SEL1L2: variants seen among roughly 807,000 people sequenced by gnomAD.
SEL1L2 encodes SEL1L2 adaptor subunit of SYVN1 ubiquitin ligase.
In SEL1L2, 89 loss-of-function variants were observed where a neutral mutation model predicts 98.8. The observed-to-expected ratio is 0.90, with a 90% CI of 0.76 to 1.07. The LOEUF (loss-of-function observed/expected upper bound fraction) is 1.07. SEL1L2 is among the 50% of genes least tolerant of loss of function. The probability of loss-of-function intolerance (pLI) is 0.00; values close to 1 mark genes in which losing one functional copy is unlikely to be tolerated. For missense variants in SEL1L2, 788 were observed against 812.0 expected, an observed-to-expected ratio of 0.97 and a Z score of 0.36; for synonymous variants, 262 against 278.5, an observed-to-expected ratio of 0.94 and a Z score of 0.59.
chr20:13,888,436 G>A lies in SEL1L2; in HGVS notation c.603+23C>T, dbSNP rs2047054046. 3 of 1,472,010 alleles carry A rather than the reference G, an allele frequency of 2.0e-6. No individual in the cohort carries two copies. The South Asian group carries it at 3.6e-5, about 18-fold the overall frequency. The allele number at this position is 1,472,010 out of a possible 1,614,324, so 91.2% of individuals were successfully genotyped here. A position where few individuals can be genotyped will look rare whatever the true frequency, so the allele number is the denominator to read the frequency against. On this transcript the variant is annotated intron_variant, in intron 6 of 19. Coordinates refer to ENST00000284951, the MANE Select transcript of SEL1L2 (RefSeq NM_025229.2). ...TTTTAGAGAAATCAATTTTGTTCCA[G>A]AATAAAACAGAATGATCTTTACCTT...
intron 1 of SEL1L2, among the ~76,000 whole-genome samples, chr20:13,967,757 G>GT (rs2051115744): frequency 6.9e-6 from 1 of 144,206 alleles, no homozygotes; most frequent in Non-Finnish European, 1.5e-5. Context: ...GGGTATTATT[G>GT]CCCCCCAACC....
At chr20:13,947,008 G>A (rs1199051441) in intron 2 of SEL1L2, among the ~76,000 whole-genome samples, 1 of 152,130 alleles carries the variant, frequency 6.6e-6, no homozygotes, top group Non-Finnish European at 1.5e-5. Context: ...TGAACAGCCT[G>A]GGGACCATGG....
intron 4 of SEL1L2, chr20:13,915,381 G>C (rs1244252104): frequency 2.0e-6 from 1 of 500,360 alleles, no homozygotes; most frequent in Non-Finnish European, 3.2e-6. Flanking sequence ...AAGGCAGATG[G>C]TCTCAAGGTC....
chr20:13,935,202 G>C (rs961472650), intron 2 of SEL1L2, among the ~76,000 whole-genome samples: 2 of 152,140 alleles, frequency 1.3e-5, no homozygotes, highest in Admixed American at 6.5e-5. Context: ...TTGGAAGACA[G>C]AGAGGCTTTC....
intron 1 of SEL1L2, among the ~76,000 whole-genome samples, chr20:13,983,905 T>C (rs1043471215): frequency 6.6e-6 from 1 of 152,144 alleles, no homozygotes; most frequent in African/African-American, 2.4e-5. Flanking sequence ...ATGAACGATC[T>C]ATTGATAGCT....
chr20:13,976,579 G>T (rs2051549578), intron 1 of SEL1L2, among the ~76,000 whole-genome samples: 1 of 152,098 alleles, frequency 6.6e-6, no homozygotes, highest in African/African-American at 2.4e-5. Flanking sequence ...AAGGAAGCTA[G>T]GATCTAATCA....
At position 13,931,704 on chromosome 20, in the gene SEL1L2, A is replaced by G; in HGVS notation, c.182T>C (p.Ile61Thr). 1.3e-6 allele frequency: 2 copies of G among 1,565,938 alleles called. No individual in the cohort carries two copies. The highest frequency in any genetic ancestry group is 1.7e-6 in the Non-Finnish European group (2 of 1,156,420). The change falls in exon 3 of 20, where the codon ATC becomes ACC. Residue 61 changes from isoleucine to threonine, a missense_variant. Physicochemically the swap from Ile to Thr is moderately conservative, Grantham distance 89. Coordinates refer to ENST00000284951, the MANE Select transcript of SEL1L2 (RefSeq NM_025229.2). ...ILEQRTSSNV[I>T]NKRENLLEKK... Reference sequence around the variant, plus strand: ...CTCCAGGAGATTTTCTCTTTTATTGATTACATTACTAGATGTTCTTTGTTC... The same window carrying G: ...CTCCAGGAGATTTTCTCTTTTATTGGTTACATTACTAGATGTTCTTTGTTC...
rs772550748 is a variant in SEL1L2, at chr20:13,849,583, G to A, written c.1969C>T (p.Leu657=). ...GGTCCAATGGTGTTGTCCAGTTTCA[G>A]CCAGTTCCATCTCGTTGTGAACTGC... is the stretch of plus-strand genomic sequence containing the variant. The part of the protein sequence containing the change: ...FFNFTTRWNW[L]KLDNTIGPHW... The change falls in exon 20 of 20, where the codon CTG becomes TTG. Residue 657 remains leucine (L), a synonymous_variant. Transcript: ENST00000284951. 6.2e-7 allele frequency: 1 copy of A among 1,613,930 alleles called. No homozygotes were observed.
rs530873099 is a variant in SEL1L2 at position 13,898,667 on chromosome 20, A to G, written c.550-10155T>C. On this transcript the variant is annotated intron_variant, in intron 5 of 19. Transcript: ENST00000284951. ...TTCTCCTCCTGTCCATTCTTCATTT[A>G]TGGGTAGAGCCAAATCTACTTATGT... Among the ~76,000 whole-genome samples, 5 of 152,266 alleles carry G rather than the reference A, an allele frequency of 3.3e-5. No homozygotes were observed. In the South Asian group the frequency reaches 6.2e-4, roughly 19 times the overall value.
intron 1 of SEL1L2, among the ~76,000 whole-genome samples, chr20:13,981,359 G>A (rs985768000): frequency 2.6e-5 from 4 of 152,144 alleles, no homozygotes; most frequent in Admixed American, 1.3e-4. Context: ...CAATTAGATG[G>A]TAACAATAAG....
intron 5 of SEL1L2, among the ~76,000 whole-genome samples, chr20:13,900,283 T>C (rs1415870759): frequency 2.0e-5 from 3 of 152,254 alleles, no homozygotes; most frequent in African/African-American, 7.2e-5. Context: ...AAGTTGAATA[T>C]AGCACTGTCT....
intron 12 of SEL1L2, 85 bp downstream of exon 12, chr20:13,875,953 T>C: frequency 1.9e-6 from 2 of 1,058,028 alleles, no homozygotes; most frequent in South Asian, 1.3e-5. Flanking sequence ...GGCTTGGGAC[T>C]TCGAAGTCAA....
At chr20:13,851,751 G>A (rs769000688) in intron 18 of SEL1L2, among the ~76,000 whole-genome samples, 47 of 152,016 alleles carry the variant, frequency 3.1e-4, no homozygotes, top group Middle Eastern at 3.4e-3. Flanking sequence ...GGAAGAAGAG[G>A]AATTTTTCAC....
At chr20:13,915,233 A>G in intron 4 of SEL1L2, 1 of 1,289,504 alleles carries the variant, frequency 7.8e-7, no homozygotes, top group Non-Finnish European at 1.0e-6. Flanking sequence ...CCAGGTAGGC[A>G]TTAGAATCCT....
intron 17 of SEL1L2, among the ~76,000 whole-genome samples, chr20:13,863,015 C>T (rs1990421096): frequency 6.6e-6 from 1 of 152,030 alleles, no homozygotes; most frequent in Admixed American, 6.6e-5. Flanking sequence ...TCTTAGCTGG[C>T]AAAGACATTA....
At chr20:13,919,427 G>C (rs916324500) in intron 3 of SEL1L2, among the ~76,000 whole-genome samples, 2 of 152,170 alleles carry the variant, frequency 1.3e-5, no homozygotes, top group African/African-American at 2.4e-5. Context: ...GGGATACAAG[G>C]TTCTCCGATC....
At chr20:13,983,023 CAAAAAA>C (rs57993052) in intron 1 of SEL1L2, among the ~76,000 whole-genome samples, 57 of 15,566 alleles carry the variant, frequency 3.7e-3, no homozygotes, top group Middle Eastern at 0.045. Context: ...GACTCCATCT[CAAAAAA>C]AAAAAAAAAA....
rs530472089 is a variant in SEL1L2, at chr20:13,850,036, G to A, written c.1947+155C>T. The A allele has an allele frequency of 5.8e-5, 44 of 752,832 alleles. No homozygotes were observed. In the East Asian group the frequency reaches 1.2e-3, roughly 20 times the overall value. The allele number at this position is 752,832 out of a possible 1,614,324, so 46.6% of individuals were successfully genotyped here. On this transcript the variant is annotated intron_variant, in intron 19 of 19. Coordinates refer to ENST00000284951, the MANE Select transcript of SEL1L2 (RefSeq NM_025229.2). ...CAACACATACTCAATAGAACATGCA[G>A]AATTACTCTGCATGGCAAGTGTAAG...
At chr20:13,883,952 C>A (rs1265263299) in intron 10 of SEL1L2, among the ~76,000 whole-genome samples, 1 of 152,110 alleles carries the variant, frequency 6.6e-6, no homozygotes, top group Admixed American at 6.6e-5. Flanking sequence ...ATCTAAGAAG[C>A]TAGAACTTTG....
Sources: allele counts gnomAD v4.1 joint callset (sites outside exome capture counted in the v4.1 genomes callset), GRCh38; gene constraint gnomAD v4.1.1; transcripts MANE v1.5; gene names NCBI Gene and HGNC (gene_info 2026-07-23, HGNC 2026-07-21).